RUFY3: variants seen among roughly 807,000 people sequenced by gnomAD.
The protein encoded by RUFY3 is protein RUFY3.
A neutral mutation model predicts 84.0 loss-of-function variants in RUFY3; 34 were observed. The ratio of observed to expected loss-of-function variants is 0.40; its 90% CI spans 0.31 to 0.54. RUFY3 has a LOEUF of 0.54. Ranked by LOEUF, RUFY3 falls within the 20% of genes least tolerant of loss-of-function variation. The pLI, the probability that RUFY3 is intolerant of heterozygous loss-of-function variation, is 0.39. For missense variants in RUFY3, 507 were observed against 736.8 expected (o/e 0.69, Z 3.61); for synonymous variants, 242 against 252.9 (o/e 0.96, Z 0.41).
At chr4:70,750,842 T>G (rs1578079171) in intron 1 of RUFY3, among the ~76,000 whole-genome samples, 1 of 152,172 alleles carries the variant, frequency 6.6e-6, no homozygotes, top group African/African-American at 2.4e-5. Flanking sequence ...AAATAAAATA[T>G]GTGGTCTTTT....
chr4:70,799,010 A>T (rs1038151593), intron 14 of RUFY3, among the ~76,000 whole-genome samples: 1 of 150,000 alleles, frequency 6.7e-6, no homozygotes, highest in Non-Finnish European at 1.5e-5. Flanking sequence ...TTAGCCATCA[A>T]TGGTGGGCGC....
intron 1 of RUFY3, among the ~76,000 whole-genome samples, chr4:70,762,213 G>A (rs1725153954): frequency 6.6e-6 from 1 of 152,164 alleles, no homozygotes. Flanking sequence ...TACTTGGGAG[G>A]CAGAGACAGA....
chr4:70,789,165 A>G (rs563721151), intron 11 of RUFY3, among the ~76,000 whole-genome samples, 192 bp downstream of exon 11: 2 of 152,278 alleles, frequency 1.3e-5, no homozygotes, highest in South Asian at 4.1e-4. Context: ...CTAGAAAACC[A>G]TGGCCACTTT....
At chr4:70,735,499 T>C (rs1720119093) in intron 1 of RUFY3, among the ~76,000 whole-genome samples, 1 of 151,994 alleles carries the variant, frequency 6.6e-6, no homozygotes, top group Non-Finnish European at 1.5e-5. Flanking sequence ...TTCATCATAA[T>C]TAAATATTCT....
intron 1 of RUFY3, among the ~76,000 whole-genome samples, chr4:70,745,126 A>G (rs1387103142): frequency 6.6e-6 from 1 of 151,314 alleles, no homozygotes; most frequent in Non-Finnish European, 1.5e-5. Flanking sequence ...TGCATTTTTT[A>G]GTAGAGATGG....
At chr4:70,740,633 T>G (rs1382455915) in intron 1 of RUFY3, among the ~76,000 whole-genome samples, 1 of 152,210 alleles carries the variant, frequency 6.6e-6, no homozygotes, top group Non-Finnish European at 1.5e-5. Flanking sequence ...TAAGAGTCCA[T>G]TCTCATGAAT....
chr4:70,795,925 G>A (rs1731444900), intron 14 of RUFY3, among the ~76,000 whole-genome samples: 1 of 152,210 alleles, frequency 6.6e-6, no homozygotes, highest in South Asian at 2.1e-4. Context: ...GCCATTGTCT[G>A]ATGAGAGGAA....
At chr4:70,728,458 G>A (rs13137545) in intron 1 of RUFY3, among the ~76,000 whole-genome samples, 74,596 of 152,080 alleles carry the variant, frequency 0.49, 21,074 homozygotes, top group Non-Finnish European at 0.63. Flanking sequence ...CTTTCTCATC[G>A]TTGTAAAGTT....
At chr4:70,706,881 T>C (rs1165031711) in intron 1 of RUFY3, among the ~76,000 whole-genome samples, 1 of 152,262 alleles carries the variant, frequency 6.6e-6, no homozygotes, top group African/African-American at 2.4e-5. Context: ...CCTTCTACTT[T>C]GTACTTTAAA....
intron 1 of RUFY3, among the ~76,000 whole-genome samples, chr4:70,726,224 T>C (rs1219299029): frequency 6.6e-6 from 1 of 152,104 alleles, no homozygotes; most frequent in African/African-American, 2.4e-5. Context: ...AGAATGAACA[T>C]AAGGCAGTGC....
At chr4:70,798,427 A>AGGTG (rs1731796796) in intron 14 of RUFY3, among the ~76,000 whole-genome samples, 2 of 152,098 alleles carry the variant, frequency 1.3e-5, no homozygotes, top group South Asian at 4.1e-4. Context: ...CAGCAGTCGA[A>AGGTG]GGCGGGCAGC....
At chr4:70,716,576 G>C (rs1317949476) in intron 1 of RUFY3, among the ~76,000 whole-genome samples, 1 of 152,126 alleles carries the variant, frequency 6.6e-6, no homozygotes, top group Admixed American at 6.5e-5. Flanking sequence ...AGGTGCGGTG[G>C]CTCATGCCTG....
intron 1 of RUFY3, among the ~76,000 whole-genome samples, chr4:70,749,826 T>C (rs75887009): frequency 0.027 from 4,153 of 151,990 alleles, 82 homozygotes; most frequent in Middle Eastern, 0.054. Context: ...ATTTTTTGTG[T>C]GTTTTTTATG....
intron 7 of RUFY3, 115 bp from the exon 8 acceptor site, chr4:70,778,251 TAAA>T (rs1004307635): frequency 2.4e-6 from 1 of 415,628 alleles, no homozygotes; most frequent in African/African-American, 2.1e-5. Flanking sequence ...ATAATAATAA[TAAA>T]ATAAAAAATT....
intron 1 of RUFY3, among the ~76,000 whole-genome samples, chr4:70,740,931 A>G (rs1721222891): frequency 6.6e-6 from 1 of 152,134 alleles, no homozygotes. Context: ...AATTTACTTG[A>G]GGCTATTTAT....
intron 4 of RUFY3, 118 bp from the exon 5 acceptor site, chr4:70,768,420 G>T: frequency 1.3e-6 from 1 of 775,318 alleles, no homozygotes. Flanking sequence ...TATTTTTGTA[G>T]ATGGCTATAA....
intron 1 of RUFY3, among the ~76,000 whole-genome samples, chr4:70,705,887 G>A (rs1740280697): frequency 1.3e-5 from 2 of 152,304 alleles, no homozygotes; most frequent in Non-Finnish European, 2.9e-5. Flanking sequence ...CCGTCCCCCG[G>A]ATTGGAAAGA....
intron 7 of RUFY3, among the ~76,000 whole-genome samples, chr4:70,776,245 G>A (rs960506152): frequency 3.8e-4 from 58 of 152,190 alleles, no homozygotes; most frequent in African/African-American, 1.3e-3. Flanking sequence ...TAGGAGATTA[G>A]CAACAATAAT....
chr4:70,775,685 C>T (rs1441967625), intron 7 of RUFY3, among the ~76,000 whole-genome samples: 1 of 152,018 alleles, frequency 6.6e-6, no homozygotes, highest in African/African-American at 2.4e-5. Context: ...TGGGCCAAAG[C>T]CTGTAGTCCC....
Sources: gnomAD v4.1 joint callset for allele counts (sites outside exome capture counted in the v4.1 genomes callset) on GRCh38, gnomAD v4.1.1 for gene constraint, MANE v1.5 for transcripts, NCBI Gene and HGNC (gene_info 2026-07-23, HGNC 2026-07-21) for gene names.